POLE2: variants seen among roughly 807,000 people sequenced by gnomAD.
POLE2 encodes DNA polymerase epsilon 2, accessory subunit.
A neutral mutation model predicts 79.4 loss-of-function variants in POLE2; 56 were observed. The ratio of observed to expected loss-of-function variants is 0.71; its 90% CI spans 0.57 to 0.88. POLE2 has a LOEUF of 0.88. Among genes scored for constraint, POLE2 ranks in the 40% least tolerant of loss-of-function variants. The pLI is 0.00. For synonymous variants in POLE2, 212 were observed against 214.0 expected, an observed-to-expected ratio of 0.99 and a Z score of 0.08; for missense variants, 598 against 638.9, an observed-to-expected ratio of 0.94 and a Z score of 0.69.
chr14:49,654,647 ATC>A (rs571717246), intron 13 of POLE2, 135 bp downstream of exon 13: 66 of 1,010,328 alleles, frequency 6.5e-5, no homozygotes, highest in Non-Finnish European at 8.5e-5. Flanking sequence ...GGATAACTTT[ATC>A]TCTTAGTTCT....
chr14:49,649,639 C>T (rs936748486), intron 17 of POLE2, among the ~76,000 whole-genome samples: 9 of 151,618 alleles, frequency 5.9e-5, no homozygotes, highest in African/African-American at 1.9e-4. Flanking sequence ...TTAGTAGAGA[C>T]GGGGTTTCAC....
At chr14:49,682,640 G>GGAAAAAAAAA (rs1373991966) in intron 2 of POLE2, among the ~76,000 whole-genome samples, 1 of 60,976 alleles carries the variant, frequency 1.6e-5, no homozygotes, top group African/African-American at 5.7e-5. Flanking sequence ...CCTTCTCAGG[G>GGAAAAAAAAA]AAAAAAAAAA....
rs776394923 is a variant in POLE2 at position 49,688,212 on chromosome 14, T to C, written c.-9A>G. On this transcript the variant is annotated 5_prime_UTR_variant, in exon 1 of 19. Transcript: ENST00000216367. ...AGCCGCTCCGGCGCCATATTTGCGATTTGGCGCCACCGCCGCAGCTCCGCC... is the reference window on the plus strand; with the variant it reads ...AGCCGCTCCGGCGCCATATTTGCGACTTGGCGCCACCGCCGCAGCTCCGCC... 3.3e-6 allele frequency: 5 copies of C among 1,522,036 alleles called. No individual in the cohort carries two copies. The highest frequency in any genetic ancestry group is 2.9e-5 in the African/African-American group (2 of 70,136). The allele number at this position is 1,522,036 out of a possible 1,614,324, so 94.3% of individuals were successfully genotyped here.
chr14:49,667,917 T>C (rs148147471), intron 6 of POLE2, among the ~76,000 whole-genome samples: 1,778 of 152,306 alleles, frequency 0.012, 11 homozygotes, highest in Middle Eastern at 0.024. Flanking sequence ...TAAAAACTTA[T>C]ATAATCCCAT....
chr14:49,672,727 G>A (rs544950934), intron 5 of POLE2, among the ~76,000 whole-genome samples: 4 of 152,172 alleles, frequency 2.6e-5, no homozygotes, highest in Middle Eastern at 3.4e-3. Context: ...TCGAAATCCC[G>A]ACCTCAGGTG....
chr14:49,671,752 C>A (rs1885914191), intron 5 of POLE2, among the ~76,000 whole-genome samples: 1 of 151,400 alleles, frequency 6.6e-6, no homozygotes, highest in Admixed American at 6.6e-5. Flanking sequence ...GTCAGGAGTT[C>A]GAGACCAGCC....
At chr14:49,648,984 A>G (rs185845081) in intron 17 of POLE2, among the ~76,000 whole-genome samples, 1 of 152,090 alleles carries the variant, frequency 6.6e-6, no homozygotes, top group East Asian at 1.9e-4. Context: ...TGAAACAAAA[A>G]ATTAGTAAAG....
At chr14:49,662,859 G>C (rs577949590) in intron 10 of POLE2, among the ~76,000 whole-genome samples, 1 of 152,316 alleles carries the variant, frequency 6.6e-6, no homozygotes, top group African/African-American at 2.4e-5. Context: ...GTGACAGGGA[G>C]CTCAGCTCCT....
Position 49,665,172 on chromosome 14 carries a change from A to G in POLE2, c.577-9T>C, listed in dbSNP as rs763806275. Reference sequence around the variant, plus strand: ...TCCAGAAAAAATTTTCCCTAAAAAAATGAAAATAAATAAATCCACATTTAT... The same window carrying G: ...TCCAGAAAAAATTTTCCCTAAAAAAGTGAAAATAAATAAATCCACATTTAT... On this transcript the variant is annotated splice_polypyrimidine_tract_variant and intron_variant, in intron 7 of 18. Transcript: ENST00000216367. The G allele has an allele frequency of 2.4e-5, 28 of 1,183,692 alleles. No homozygotes were observed. The highest frequency in any genetic ancestry group is 1.6e-5 in the African/African-American group (1 of 64,398). The allele number at this position is 1,183,692 out of a possible 1,614,324, so 73.3% of individuals were successfully genotyped here.
At chr14:49,687,605 T>G (rs771587517) in intron 1 of POLE2, among the ~76,000 whole-genome samples, 1 of 152,090 alleles carries the variant, frequency 6.6e-6, no homozygotes, top group Non-Finnish European at 1.5e-5. Flanking sequence ...CAGTTTGACA[T>G]GTGCAGAAGA....
rs45479895 is a variant in POLE2, at chr14:49,669,711, T to C, written c.418-113A>G. 2.9e-3 allele frequency: 1,744 copies of C among 606,436 alleles called. 32 individuals are homozygous for C. The African/African-American group carries it at 0.029, about 10-fold the overall frequency. The allele number at this position is 606,436 out of a possible 1,614,324, so 37.6% of individuals were successfully genotyped here. ...CTTAAACTAATGTCACTATTACTTA[T>C]TCTCCACAAATTTGAAAACCCACAT... On this transcript the variant is annotated intron_variant, in intron 5 of 18. Coordinates refer to ENST00000216367, the MANE Select transcript of POLE2 (RefSeq NM_002692.4).
In POLE2 at chr14:49,688,143, G is replaced by C. The variant is rs868246961; in HGVS notation, c.61C>G (p.Leu21Val). Residue 21 changes from leucine to valine, a missense_variant, in exon 1 of 19, where the codon CTC becomes GTC. Physicochemically the swap from Leu to Val is conservative, Grantham distance 32 (BLOSUM62 1). Transcript: ENST00000216367. ...LSAFKLRGLL[L>V]RGEAIKYLTE... is the part of the protein sequence containing the mutation. ...CTGCCCGAGCCCACTCACCCACGGAGCAGCAAGCCCCGCAACTTGAAGGCG... is the reference window on the plus strand; with the variant it reads ...CTGCCCGAGCCCACTCACCCACGGACCAGCAAGCCCCGCAACTTGAAGGCG... 1.3e-6 allele frequency: 2 copies of C among 1,556,170 alleles called. No individual in the cohort carries two copies. Among genetic ancestry groups the C allele is most frequent in the African/African-American group, 1.4e-5 (1 of 71,432 alleles).
chr14:49,686,107 C>G (rs1887115655), intron 1 of POLE2, among the ~76,000 whole-genome samples: 1 of 152,156 alleles, frequency 6.6e-6, no homozygotes, highest in African/African-American at 2.4e-5. Context: ...AGACAGACTT[C>G]TAAGATGGCC....
chr14:49,687,622 GC>G lies in POLE2; in HGVS notation c.68+513del, dbSNP rs1460993317. On this transcript the variant is annotated intron_variant, in intron 1 of 18. Transcript: ENST00000216367. ...GTTTGACATGTGCAGAAGAGCCTCG[GC>G]CCGCCTAGAAGAAACATTAAACTCC... Among the ~76,000 whole-genome samples, 3 of 152,048 alleles carry G rather than the reference GC, an allele frequency of 2.0e-5. No homozygotes were observed. The East Asian group carries it at 5.8e-4, about 29-fold the overall frequency.
intron 10 of POLE2, among the ~76,000 whole-genome samples, chr14:49,657,774 T>C (rs1040330259): frequency 2.0e-5 from 3 of 152,112 alleles, no homozygotes; most frequent in African/African-American, 7.2e-5. Flanking sequence ...TTATGTTCTA[T>C]AAAATCTCCA....
chr14:49,675,156 C>T (rs1886181015), intron 3 of POLE2, among the ~76,000 whole-genome samples: 4 of 150,900 alleles, frequency 2.7e-5, no homozygotes, highest in African/African-American at 2.4e-5. Context: ...TCGATCGTGG[C>T]TCACCACAAC....
At chr14:49,650,711 GC>G (rs1413287636) in intron 16 of POLE2, among the ~76,000 whole-genome samples, 2 of 152,076 alleles carry the variant, frequency 1.3e-5, no homozygotes, top group Non-Finnish European at 2.9e-5. Flanking sequence ...CTGGCCTCAA[GC>G]AAGCCACCCA....
At chr14:49,647,270 G>C in intron 18 of POLE2, 23 bp downstream of exon 18, 2 of 1,236,602 alleles carry the variant, frequency 1.6e-6, no homozygotes, top group Non-Finnish European at 2.3e-6. Context: ...GATCTTTCTT[G>C]CTGTGTCTGT....
intron 17 of POLE2, among the ~76,000 whole-genome samples, chr14:49,649,030 T>TA (rs1883987892): frequency 6.6e-6 from 1 of 152,046 alleles, no homozygotes; most frequent in South Asian, 2.1e-4. Context: ...GCATGCATAT[T>TA]AAAAATCTCT....
Sources: allele counts gnomAD v4.1 joint callset (sites outside exome capture counted in the v4.1 genomes callset), GRCh38; gene constraint gnomAD v4.1.1; transcripts MANE v1.5; gene names NCBI Gene and HGNC (gene_info 2026-07-23, HGNC 2026-07-21).